Variants in CBFA2T3 observed in about 807,000 individuals in gnomAD.
CBFA2T3 encodes transcriptional corepressor CBFA2T3.
CBFA2T3 carries 31 observed loss-of-function variants against 58.6 expected under a neutral mutation model. The observed-to-expected ratio is 0.53, with a 90% CI of 0.40 to 0.71. CBFA2T3 has a LOEUF of 0.71. Ranked by LOEUF, CBFA2T3 falls within the 30% of genes least tolerant of loss-of-function variation. The pLI is 0.00. For synonymous variants in CBFA2T3, 531 were observed against 421.9 expected, an observed-to-expected ratio of 1.26 and a Z score of -3.17; for missense variants, 1,076 against 963.1, an observed-to-expected ratio of 1.12 and a Z score of -1.55.
At chr16:88,888,698 C>A (rs1195828075) in intron 5 of CBFA2T3, among the ~76,000 whole-genome samples, 2 of 148,112 alleles carry the variant, frequency 1.4e-5, no homozygotes, top group East Asian at 4.1e-4. Context: ...GGAAGCAGGA[C>A]TGGCCGCAAG....
intron 1 of CBFA2T3, among the ~76,000 whole-genome samples, chr16:88,968,174 G>A (rs1972561126): frequency 2.0e-5 from 3 of 152,222 alleles, no homozygotes; most frequent in African/African-American, 7.2e-5. Flanking sequence ...GCCCTGGTGA[G>A]AGGCCGAATA....
intron 3 of CBFA2T3, among the ~76,000 whole-genome samples, chr16:88,896,822 C>T (rs375667533): frequency 9.2e-5 from 14 of 152,316 alleles, no homozygotes; most frequent in South Asian, 4.1e-4. Flanking sequence ...CCCTTAGGTG[C>T]GCTTACCAGC....
At position 88,877,009 on chromosome 16, in the gene CBFA2T3, G is replaced by C; in HGVS notation, c.1929C>G (p.Ser643Arg). The C allele has an allele frequency of 6.8e-7, 1 of 1,473,680 alleles. No homozygotes were observed. Among genetic ancestry groups the C allele is most frequent in the Non-Finnish European group, 8.9e-7 (1 of 1,117,396 alleles). The allele number at this position is 1,473,680 out of a possible 1,614,324, so 91.3% of individuals were successfully genotyped here. Residue 643 changes from serine to arginine, a missense_variant, in exon 12 of 12, where the codon AGC (serine) becomes AGG (arginine). By Grantham distance (110) the Ser-to-Arg change is moderately radical. Coordinates refer to ENST00000268679, the MANE Select transcript of CBFA2T3 (RefSeq NM_005187.6). ...SAGPSRPGSP[S>R]PPGPLDTVPR ...GCACGGTGTCCAGTGGGCCAGGTGG[G>C]CTGGGGGAGCCGGGGCGAGAAGGCC... is the stretch of plus-strand genomic sequence containing the variant.
chr16:88,925,127 T>C (rs116635103), intron 1 of CBFA2T3, among the ~76,000 whole-genome samples: 3,297 of 152,308 alleles, frequency 0.022, 62 homozygotes, highest in African/African-American at 0.048. Flanking sequence ...GACACCGAGC[T>C]CGCTGACCCT....
chr16:88,942,129 C>T (rs542498529), intron 1 of CBFA2T3, among the ~76,000 whole-genome samples: 127 of 152,314 alleles, frequency 8.3e-4, no homozygotes, highest in African/African-American at 3.0e-3. Flanking sequence ...CCTGCAGAAA[C>T]GCCCCGAGCC....
Position 88,881,446 on chromosome 16 carries a change from G to T in CBFA2T3, c.1247C>A (p.Ser416Ter). Residue 416 changes from serine (S) to a stop codon, truncating the protein, a stop_gained, in exon 9 of 12, where the codon TCG becomes TAG. Coordinates refer to ENST00000268679, the MANE Select transcript of CBFA2T3 (RefSeq NM_005187.6). LOFTEE classifies it high-confidence loss of function. ...CTGGCACCTGCGCAGCACCGTGAGC[G>T]AGCGCCGCGTCTTCTCCACCATGTC... Reference protein sequence around the residue: ...IMDMVEKTRRSLTVLRRCQEA... With the variant: ...IMDMVEKTRR 1 of 1,609,758 alleles carries T rather than the reference G, an allele frequency of 6.2e-7. No homozygotes were observed. Among genetic ancestry groups the T allele is most frequent in the Non-Finnish European group, 8.5e-7 (1 of 1,178,460 alleles).
At chr16:88,895,189 C>T (rs1175277732) in intron 3 of CBFA2T3, among the ~76,000 whole-genome samples, 2 of 152,220 alleles carry the variant, frequency 1.3e-5, no homozygotes, top group African/African-American at 4.8e-5. Context: ...AGGGGCCGCA[C>T]CCTCCAGAGG....
chr16:88,888,351 G>A (rs921778490), intron 5 of CBFA2T3, among the ~76,000 whole-genome samples: 2 of 146,304 alleles, frequency 1.4e-5, no homozygotes, highest in East Asian at 2.1e-4. Context: ...CAGGAACACC[G>A]AGGCCCAAGG....
At chr16:88,929,094 G>GA (rs933948967) in intron 1 of CBFA2T3, among the ~76,000 whole-genome samples, 1 of 80,832 alleles carries the variant, frequency 1.2e-5, no homozygotes, top group Admixed American at 1.3e-4. Context: ...GACCTGGGAT[G>GA]GGGGTCAGGG....
At chr16:88,968,063 T>C (rs1335474243) in intron 1 of CBFA2T3, among the ~76,000 whole-genome samples, 1 of 152,248 alleles carries the variant, frequency 6.6e-6, no homozygotes, top group Non-Finnish European at 1.5e-5. Context: ...CGACGGGTCA[T>C]GGGGCTGAGT....
intron 1 of CBFA2T3, among the ~76,000 whole-genome samples, chr16:88,973,938 G>A (rs934288821): frequency 6.6e-6 from 1 of 151,552 alleles, no homozygotes; most frequent in African/African-American, 2.4e-5. Flanking sequence ...CATAACACCC[G>A]CCCGCCTTTG....
chr16:88,935,333 G>A (rs535461382), intron 1 of CBFA2T3, among the ~76,000 whole-genome samples: 35 of 152,276 alleles, frequency 2.3e-4, no homozygotes, highest in African/African-American at 7.2e-4. Context: ...GGAGGGGCCC[G>A]GCAATCCCCA....
intron 1 of CBFA2T3, among the ~76,000 whole-genome samples, chr16:88,934,254 C>T (rs1037231796): frequency 1.2e-4 from 18 of 151,614 alleles, no homozygotes; most frequent in African/African-American, 2.9e-4. Flanking sequence ...CATGGAGGCA[C>T]GGGCGAGAAG....
At chr16:88,919,033 C>T (rs1188622534) in intron 1 of CBFA2T3, among the ~76,000 whole-genome samples, 2 of 152,190 alleles carry the variant, frequency 1.3e-5, no homozygotes, top group Admixed American at 6.5e-5. Flanking sequence ...TCTTAGCTCC[C>T]ACAATTTAGC....
intron 1 of CBFA2T3, among the ~76,000 whole-genome samples, chr16:88,909,802 G>A (rs1463422657): frequency 6.6e-6 from 1 of 152,194 alleles, no homozygotes. Flanking sequence ...CACTGGCCAC[G>A]GCCGTGCAGT....
chr16:88,964,422 G>C (rs1972445043), intron 1 of CBFA2T3, among the ~76,000 whole-genome samples: 1 of 152,222 alleles, frequency 6.6e-6, no homozygotes, highest in South Asian at 2.1e-4. Flanking sequence ...TGCTGGTGAG[G>C]CTTCAGTTAG....
At chr16:88,900,208 G>C (rs1490760608) in intron 2 of CBFA2T3, among the ~76,000 whole-genome samples, 1 of 152,244 alleles carries the variant, frequency 6.6e-6, no homozygotes, top group Admixed American at 6.5e-5. Flanking sequence ...CTCCTACTGA[G>C]TGCCGGGCAC....
At chr16:88,968,564 C>A (rs999022217) in intron 1 of CBFA2T3, among the ~76,000 whole-genome samples, 9 of 152,214 alleles carry the variant, frequency 5.9e-5, no homozygotes, top group Non-Finnish European at 1.3e-4. Flanking sequence ...TGCTGGTGAC[C>A]TTTTAGAACA....
At chr16:88,924,029 G>C (rs75269947) in intron 1 of CBFA2T3, among the ~76,000 whole-genome samples, 4,625 of 152,288 alleles carry the variant, frequency 0.03, 118 homozygotes, top group African/African-American at 0.072. Flanking sequence ...AGCAAAGACC[G>C]CGGGTGGAGG....
Sources: allele counts gnomAD v4.1 joint callset (sites outside exome capture counted in the v4.1 genomes callset), GRCh38; gene constraint gnomAD v4.1.1; transcripts MANE v1.5; gene names NCBI Gene and HGNC (gene_info 2026-07-23, HGNC 2026-07-21).